NT5DC1: variants seen among roughly 807,000 people sequenced by gnomAD.
NT5DC1 encodes the protein 5'-nucleotidase domain containing 1, also known as 5'-nucleotidase domain-containing protein 1.
Under a neutral mutation model 59.4 loss-of-function variants are expected in NT5DC1, and 42 were observed. That is an observed-to-expected ratio of 0.71 (90% CI 0.55 to 0.92). The LOEUF is 0.92. Among genes scored for constraint, NT5DC1 ranks in the 40% least tolerant of loss-of-function variants. The pLI is 0.00. For missense variants in NT5DC1, 501 were observed against 537.1 expected, an observed-to-expected ratio of 0.93 and a Z score of 0.66; for synonymous variants, 172 against 188.1, an observed-to-expected ratio of 0.91 and a Z score of 0.70.
intron 6 of NT5DC1, among the ~76,000 whole-genome samples, chr6:116,215,827 C>T (rs1397503360): frequency 6.6e-6 from 1 of 152,034 alleles, no homozygotes; most frequent in African/African-American, 2.4e-5. Context: ...TAATACTGTC[C>T]AAGGACATTA....
chr6:116,168,231 T>A (rs901764297), intron 6 of NT5DC1, among the ~76,000 whole-genome samples: 4 of 151,978 alleles, frequency 2.6e-5, no homozygotes, highest in Non-Finnish European at 5.9e-5. Context: ...GGGATTTCAG[T>A]TATTCATATT....
intron 6 of NT5DC1, among the ~76,000 whole-genome samples, chr6:116,188,453 A>G (rs1324972088): frequency 1.3e-5 from 2 of 152,076 alleles, no homozygotes; most frequent in African/African-American, 4.8e-5. Context: ...GTGACATTCT[A>G]TTCATCAATG....
intron 6 of NT5DC1, among the ~76,000 whole-genome samples, chr6:116,212,706 GAACAA>G (rs1781604015): frequency 6.6e-6 from 1 of 151,988 alleles, no homozygotes; most frequent in Non-Finnish European, 1.5e-5. Context: ...GGAGGCAGGG[GAACAA>G]ACATCCCAGG....
intron 6 of NT5DC1, among the ~76,000 whole-genome samples, chr6:116,135,699 A>G (rs1001576467): frequency 1.3e-5 from 2 of 151,286 alleles, no homozygotes; most frequent in African/African-American, 2.4e-5. Flanking sequence ...GCAGTACTCT[A>G]AACTGTGGAT....
chr6:116,142,998 A>T (rs1417234353), intron 6 of NT5DC1, among the ~76,000 whole-genome samples: 1 of 152,170 alleles, frequency 6.6e-6, no homozygotes, highest in Non-Finnish European at 1.5e-5. Context: ...TATAGACATT[A>T]TGGTTTGTGT....
chr6:116,181,604 T>C (rs750671730), intron 6 of NT5DC1, among the ~76,000 whole-genome samples: 3 of 152,088 alleles, frequency 2.0e-5, no homozygotes, highest in Non-Finnish European at 4.4e-5. Context: ...GTCACCACTT[T>C]TTTTCATTAC....
At position 116,237,024 on chromosome 6, in the gene NT5DC1, A is replaced by G. The variant is rs1423043513; in HGVS notation, c.861A>G (p.Gln287=). The change falls in exon 9 of 12, where the codon CAA becomes CAG. Residue 287 remains glutamine (Q), a synonymous_variant. Coordinates refer to ENST00000319550, the MANE Select transcript of NT5DC1 (RefSeq NM_152729.3). ...PSLDKPGWYS[Q]GNAVHLYELL... is the part of the protein sequence containing the mutation. ...TGGATAAACCTGGCTGGTACTCCCAAGGGAACGCTGTCCACCTCTATGAAC... is the reference window on the plus strand; with the variant it reads ...TGGATAAACCTGGCTGGTACTCCCAGGGGAACGCTGTCCACCTCTATGAAC... The G allele has an allele frequency of 6.2e-7, 1 of 1,613,296 alleles. No homozygotes were observed.
chr6:116,177,243 A>C (rs180929048), intron 6 of NT5DC1, among the ~76,000 whole-genome samples: 1 of 152,246 alleles, frequency 6.6e-6, no homozygotes, highest in African/African-American at 2.4e-5. Flanking sequence ...TTTCTTTGCT[A>C]TTTCCCTTGA....
chr6:116,101,478 A>G (rs914976396), intron 1 of NT5DC1, among the ~76,000 whole-genome samples: 1 of 152,164 alleles, frequency 6.6e-6, no homozygotes, highest in Non-Finnish European at 1.5e-5. Flanking sequence ...TGTTTGCACG[A>G]TCAACCACCC....
At chr6:116,242,622 AAG>A (rs2114567086) in intron 11 of NT5DC1, among the ~76,000 whole-genome samples, 1 of 152,310 alleles carries the variant, frequency 6.6e-6, no homozygotes, top group East Asian at 1.9e-4. Context: ...CTGCCAGTCT[AAG>A]ATACTCACAA....
intron 6 of NT5DC1, among the ~76,000 whole-genome samples, chr6:116,129,607 GCT>G (rs1424116683): frequency 6.6e-6 from 1 of 152,100 alleles, no homozygotes; most frequent in Non-Finnish European, 1.5e-5. Context: ...CAGCATGAAC[GCT>G]CTCTCCAGAT....
chr6:116,209,744 A>G (rs1232847454), intron 6 of NT5DC1, among the ~76,000 whole-genome samples: 1 of 151,926 alleles, frequency 6.6e-6, no homozygotes, highest in Non-Finnish European at 1.5e-5. Flanking sequence ...AATAGCAGAG[A>G]CAATATCAGT....
intron 6 of NT5DC1, among the ~76,000 whole-genome samples, chr6:116,207,008 AAAAT>A (rs1347386609): frequency 1.3e-5 from 2 of 150,904 alleles, no homozygotes; most frequent in East Asian, 1.9e-4. Flanking sequence ...TTTCCTTTTA[AAAAT>A]AAATAGTCTG....
At chr6:116,243,826 T>G in intron 11 of NT5DC1, 83 bp from the exon 12 acceptor site, 1 of 579,032 alleles carries the variant, frequency 1.7e-6, no homozygotes, top group Non-Finnish European at 3.1e-6. Flanking sequence ...AAATAAGTTT[T>G]ATTAGTGAAT....
chr6:116,187,425 G>A (rs530268239), intron 6 of NT5DC1, among the ~76,000 whole-genome samples: 3 of 152,204 alleles, frequency 2.0e-5, no homozygotes, highest in South Asian at 2.1e-4. Context: ...GAAGAACAGG[G>A]CAAGAGGGTC....
intron 8 of NT5DC1, among the ~76,000 whole-genome samples, chr6:116,226,866 A>T (rs1207523611): frequency 6.6e-6 from 1 of 152,026 alleles, no homozygotes; most frequent in African/African-American, 2.4e-5. Flanking sequence ...GACAAGTAAA[A>T]ATTATATATT....
At chr6:116,224,740 C>T (rs755958337) in intron 8 of NT5DC1, among the ~76,000 whole-genome samples, 2 of 152,310 alleles carry the variant, frequency 1.3e-5, no homozygotes, top group African/African-American at 2.4e-5. Flanking sequence ...GGCAGGCACC[C>T]GCATAAGCGG....
intron 6 of NT5DC1, chr6:116,121,236 C>A (rs571117210): frequency 6.2e-7 from 1 of 1,613,780 alleles, no homozygotes; most frequent in South Asian, 1.1e-5. Flanking sequence ...CCAGGAGGCC[C>A]TGGGGGCCCA....
intron 6 of NT5DC1, among the ~76,000 whole-genome samples, chr6:116,143,103 A>G (rs1328240184): frequency 6.6e-6 from 1 of 152,226 alleles, no homozygotes; most frequent in Non-Finnish European, 1.5e-5. Context: ...TTTAGAAATA[A>G]TATTAAAATG....
Sources: allele counts gnomAD v4.1 joint callset (sites outside exome capture counted in the v4.1 genomes callset), GRCh38; gene constraint gnomAD v4.1.1; transcripts MANE v1.5; gene names NCBI Gene and HGNC (gene_info 2026-07-23, HGNC 2026-07-21).